Variants in CACHD1 observed in about 807,000 individuals in gnomAD.
CACHD1 encodes the protein VWFA and cache domain-containing protein 1.
A neutral mutation model predicts 138.7 loss-of-function variants in CACHD1; 71 were observed. The ratio of observed to expected loss-of-function variants is 0.51; its 90% CI spans 0.42 to 0.62. The LOEUF (loss-of-function observed/expected upper bound fraction) is 0.62, where lower values mean the gene tolerates loss of function less well. Ranked by LOEUF, CACHD1 falls within the 20% of genes least tolerant of loss-of-function variation. The pLI, the probability that CACHD1 is intolerant of heterozygous loss-of-function variation, is 0.00. For missense variants in CACHD1, 1,389 were observed against 1,625.3 expected, an observed-to-expected ratio of 0.85 and a Z score of 2.50; for synonymous variants, 578 against 591.5, an observed-to-expected ratio of 0.98 and a Z score of 0.33.
intron 1 of CACHD1, among the ~76,000 whole-genome samples, chr1:64,479,109 G>C (rs1204992742): frequency 6.6e-6 from 1 of 152,196 alleles, no homozygotes; most frequent in East Asian, 1.9e-4. Flanking sequence ...AAAATGCAGT[G>C]CTTGTGTGCA....
At chr1:64,570,228 C>T (rs890035059) in intron 2 of CACHD1, among the ~76,000 whole-genome samples, 2 of 152,142 alleles carry the variant, frequency 1.3e-5, no homozygotes, top group African/African-American at 2.4e-5. Flanking sequence ...AATTACTGCT[C>T]ATATCAGGAA....
At chr1:64,542,332 A>G (rs1646683361) in intron 1 of CACHD1, among the ~76,000 whole-genome samples, 1 of 152,100 alleles carries the variant, frequency 6.6e-6, no homozygotes, top group African/African-American at 2.4e-5. Flanking sequence ...TTAATTCCCA[A>G]AGTAAGCCTC....
chr1:64,678,876 T>C (rs1650079600), intron 23 of CACHD1, among the ~76,000 whole-genome samples: 1 of 152,142 alleles, frequency 6.6e-6, no homozygotes, highest in Admixed American at 6.5e-5. Context: ...ATTGCTTACC[T>C]GAGATTTTTT....
intron 4 of CACHD1, among the ~76,000 whole-genome samples, chr1:64,614,521 C>T (rs971461155): frequency 1.3e-5 from 2 of 152,084 alleles, no homozygotes; most frequent in East Asian, 1.9e-4. Context: ...CCTGGCTGGA[C>T]GTTTGCCTAT....
At chr1:64,474,185 G>A (rs2100256300) in intron 1 of CACHD1, among the ~76,000 whole-genome samples, 1 of 152,304 alleles carries the variant, frequency 6.6e-6, no homozygotes, top group South Asian at 2.1e-4. Flanking sequence ...CATACATCAT[G>A]GATAAAAGTC....
At chr1:64,484,431 AG>A (rs757297019) in intron 1 of CACHD1, among the ~76,000 whole-genome samples, 4 of 152,144 alleles carry the variant, frequency 2.6e-5, no homozygotes, top group Non-Finnish European at 5.9e-5. Flanking sequence ...GCATACAAGC[AG>A]AAGGGTGATG....
chr1:64,558,116 G>A (rs1426078085), intron 2 of CACHD1, among the ~76,000 whole-genome samples: 2 of 152,080 alleles, frequency 1.3e-5, no homozygotes, highest in Non-Finnish European at 2.9e-5. Flanking sequence ...TTTCTCTTAA[G>A]CCTACTTCAG....
At chr1:64,678,053 C>A in intron 22 of CACHD1, 106 bp from the exon 23 acceptor site, 3 of 1,142,908 alleles carry the variant, frequency 2.6e-6, no homozygotes, top group Non-Finnish European at 3.7e-6. Flanking sequence ...AAATTCACAG[C>A]ACTAGTAAGT....
intron 6 of CACHD1, among the ~76,000 whole-genome samples, chr1:64,633,633 C>T (rs915435249): frequency 1.3e-5 from 2 of 152,142 alleles, no homozygotes; most frequent in African/African-American, 4.8e-5. Context: ...ATCATTTTGA[C>T]TTTGCCAACT....
chr1:64,594,266 A>AG (rs1553136881), intron 3 of CACHD1, among the ~76,000 whole-genome samples: 25 of 151,684 alleles, frequency 1.6e-4, no homozygotes, highest in Non-Finnish European at 3.2e-4. Flanking sequence ...AAAAAAAAAA[A>AG]AAAGAAAGAA....
intron 1 of CACHD1, among the ~76,000 whole-genome samples, chr1:64,509,835 A>C (rs905958906): frequency 6.6e-6 from 1 of 152,230 alleles, no homozygotes; most frequent in African/African-American, 2.4e-5. Context: ...ATGATTCTCA[A>C]ACGAATACTC....
chr1:64,618,499 G>A (rs1647793878), intron 4 of CACHD1, among the ~76,000 whole-genome samples: 1 of 152,144 alleles, frequency 6.6e-6, no homozygotes, highest in South Asian at 2.1e-4. Flanking sequence ...GTAGATAAAA[G>A]CCTTACCTGG....
Position 64,634,075 on chromosome 1 carries a change from G to A in CACHD1, c.821G>A (p.Arg274Gln), listed in dbSNP as rs199888610. The change falls in exon 7 of 27, where the codon CGG (arginine) becomes CAG (glutamine). Residue 274 changes from arginine to glutamine, a missense_variant. Arg to Gln is a conservative substitution (Grantham distance 43). Around this residue, in one of 5 missense-constraint regions of CACHD1, gnomAD observed 1,000 missense variants for 1,114.7 expected, o/e 0.90. Transcript: ENST00000651257. ...GTGTTAACTGTGGCAGATACCGTCC[G>A]GACTTGCTCACTAGACCAGTGCTAT... Reference protein sequence around the residue: ...ISVLTVADTVRTCSLDQCYKT... With the variant: ...ISVLTVADTVQTCSLDQCYKT... 142 of 1,610,770 alleles carry A rather than the reference G, an allele frequency of 8.8e-5. 2 individuals carry two copies. In the East Asian group the frequency reaches 2.9e-3, roughly 33 times the overall value.
At chr1:64,480,191 C>T (rs1280014367) in intron 1 of CACHD1, among the ~76,000 whole-genome samples, 1 of 152,188 alleles carries the variant, frequency 6.6e-6, no homozygotes, top group African/African-American at 2.4e-5. Context: ...AGGGATGGAC[C>T]AGAGAGACAG....
At position 64,666,096 on chromosome 1, in the gene CACHD1, G is replaced by C; in HGVS notation, c.2316G>C (p.Leu772Phe). The stretch of plus-strand genomic sequence containing the variant: ...TAGCTAATCCAGGGTTGATTTCTTT[G>C]ACTGGTCCTTACTTAGATGTTGGAG... ...HAVANPGLIS[L>F]TGPYLDVGGA... is the part of the protein sequence containing the mutation. The change falls in exon 16 of 27, where the codon TTG (leucine) becomes TTC (phenylalanine). Residue 772 changes from leucine to phenylalanine, a missense_variant. Coordinates refer to ENST00000651257, the MANE Select transcript of CACHD1 (RefSeq NM_020925.4). 6.2e-7 allele frequency: 1 copy of C among 1,613,052 alleles called. No homozygotes were observed. The highest frequency in any genetic ancestry group is 8.5e-7 in the Non-Finnish European group (1 of 1,179,122).
chr1:64,523,806 T>G (rs1178972095), intron 1 of CACHD1, among the ~76,000 whole-genome samples: 7 of 130,588 alleles, frequency 5.4e-5, no homozygotes, highest in Admixed American at 4.2e-4. Context: ...TCTGCTCACT[T>G]GGGGTCGAAC....
intron 1 of CACHD1, among the ~76,000 whole-genome samples, chr1:64,473,985 G>C (rs1646160470): frequency 6.6e-6 from 1 of 152,202 alleles, no homozygotes; most frequent in Non-Finnish European, 1.5e-5. Flanking sequence ...AAGACAGTTT[G>C]AAAAGCGTCT....
At chr1:64,626,450 C>T (rs747518430) in intron 4 of CACHD1, among the ~76,000 whole-genome samples, 11 of 152,178 alleles carry the variant, frequency 7.2e-5, no homozygotes, top group African/African-American at 1.2e-4. Context: ...GGATGGAAAA[C>T]GGGAAAGGAG....
chr1:64,654,934 A>G, intron 12 of CACHD1, 131 bp downstream of exon 12: 1 of 665,778 alleles, frequency 1.5e-6, no homozygotes, highest in Non-Finnish European at 2.7e-6. Context: ...ATCAGTTTTT[A>G]AAGTGATTGG....
Sources: gnomAD v4.1 joint callset for allele counts (sites outside exome capture counted in the v4.1 genomes callset) on GRCh38, gnomAD v4.1.1 for gene constraint, gnomAD v4.1.1 regional missense constraint, MANE v1.5 for transcripts, NCBI Gene and HGNC (gene_info 2026-07-23, HGNC 2026-07-21) for gene names.